The following C3 variants were observed in gnomAD, a reference collection of about 807,000 sequenced individuals.
The protein encoded by C3 is complement C3, also known as C3 and PZP-like alpha-2-macroglobulin domain-containing protein 1.
A neutral mutation model predicts 207.9 loss-of-function variants in C3; 97 were observed. That is an observed-to-expected ratio of 0.47 (90% confidence interval 0.40 to 0.55). The LOEUF (loss-of-function observed/expected upper bound fraction) is 0.55. Among genes scored for constraint, C3 ranks in the 20% least tolerant of loss-of-function variants. C3 has a pLI of 0.00. For synonymous variants in C3, 848 were observed against 857.6 expected (o/e 0.99, Z 0.20); for missense variants, 1,684 against 2,171.7 (o/e 0.78, Z 4.46).
intron 19 of C3, among the ~76,000 whole-genome samples, chr19:6,701,346 C>T (rs1324510855): frequency 6.6e-6 from 1 of 152,082 alleles, no homozygotes; most frequent in Non-Finnish European, 1.5e-5. Flanking sequence ...TACCTACAGC[C>T]ACAGAGCCTG....
intron 14 of C3, 73 bp downstream of exon 14, chr19:6,709,611 T>TTGCCCC: frequency 4.3e-5 from 48 of 1,109,406 alleles, no homozygotes; most frequent in Non-Finnish European, 6.0e-5. Flanking sequence ...CCCTCTCCAG[T>TTGCCCC]CCCACCCACC....
chr19:6,706,982 A>ACCCCC, intron 17 of C3, 94 bp downstream of exon 17: 1 of 88,162 alleles, frequency 1.1e-5, no homozygotes, highest in South Asian at 6.6e-5. Context: ...CTCCAGCCCC[A>ACCCCC]CCCCCACCAG....
rs952163846 is a variant in C3, at chr19:6,687,032, A to G, written c.3490-130T>C. The G allele has an allele frequency of 1.7e-4, 161 of 950,820 alleles. 2 individuals carry two copies. The South Asian group carries it at 2.2e-3, about 13-fold the overall frequency. 58.9% of individuals were successfully genotyped at this position (950,820 alleles called of 1,614,324 possible). On this transcript the variant is annotated intron_variant, in intron 27 of 40. Coordinates refer to ENST00000245907, the MANE Select transcript of C3 (RefSeq NM_000064.4). ...GGACACACCTGTCTTAGATTTGTCC[A>G]TTTTTGAGAATTTCCCAGATATTTT...
At chr19:6,720,429 C>T (rs895040203) in intron 1 of C3, 87 bp downstream of exon 1, 12 of 958,406 alleles carry the variant, frequency 1.3e-5, no homozygotes, top group Admixed American at 6.0e-5. Context: ...CCAAATGCAC[C>T]CTGAATTCTA....
At position 6,697,344 on chromosome 19, in the gene C3, C is replaced by T; in HGVS notation, c.2796G>A (p.Val932=). 1 of 1,613,442 alleles carries T rather than the reference C, an allele frequency of 6.2e-7. No individual in the cohort carries two copies. Among genetic ancestry groups the T allele is most frequent in the Non-Finnish European group, 8.5e-7 (1 of 1,179,446 alleles). The part of the protein sequence containing the change: ...SDGVRKSLKV[V]PEGIRMNKTV... ...GTTTGTGGGTGCCCCAAGCACTCACCACGACCTTCAGGGACTTCCTGACAC... is the reference window on the plus strand; with the variant it reads ...GTTTGTGGGTGCCCCAAGCACTCACTACGACCTTCAGGGACTTCCTGACAC... The change falls in exon 21 of 41, where the codon GTG becomes GTA. Residue 932 remains valine (V), a splice_region_variant and synonymous_variant. Coordinates refer to ENST00000245907, the MANE Select transcript of C3 (RefSeq NM_000064.4).
Position 6,713,514 on chromosome 19 carries a change from G to C in C3, c.774-5C>G, listed in dbSNP as rs755985654. 4.4e-6 allele frequency: 7 copies of C among 1,607,918 alleles called. No individual in the cohort carries two copies. Among genetic ancestry groups the C allele is most frequent in the Middle Eastern group, 1.6e-4 (1 of 6,080 alleles). On this transcript the variant is annotated splice_polypyrimidine_tract_variant and splice_region_variant and intron_variant, in intron 7 of 40. Transcript: ENST00000245907. The stretch of plus-strand genomic sequence containing the variant: ...ACTTTCTTCCCGTAGAGGAACCTAC[G>C]GGACAGACAAGGAGGGCTTCAGGTC...
intron 27 of C3, among the ~76,000 whole-genome samples, chr19:6,688,017 C>T (rs938730906): frequency 4.6e-5 from 7 of 151,166 alleles, no homozygotes; most frequent in African/African-American, 1.7e-4. Context: ...CCACCGCGCC[C>T]GGCTAATTTT....
chr19:6,707,415 G>A (rs1340408426), intron 16 of C3, 51 bp downstream of exon 16: 5 of 1,606,338 alleles, frequency 3.1e-6, no homozygotes, highest in Non-Finnish European at 4.3e-6. Context: ...GCCGGGCTGG[G>A]GTCTCCTGGG....
At chr19:6,700,803 ATATAT>A (rs1157325845) in intron 19 of C3, among the ~76,000 whole-genome samples, 2 of 87,078 alleles carry the variant, frequency 2.3e-5, no homozygotes, top group East Asian at 9.1e-4. Flanking sequence ...ATATATAATT[ATATAT>A]TATAATTATA....
chr19:6,678,198 A>G lies in C3; in HGVS notation c.4804T>C (p.Tyr1602His). ...TCGGAGGAGAGACCCCACATGAGGT[A>G]GTGTTTCTTCTCCTCCAGCTTCAGG... ...EALKLEEKKH[Y>H]LMWGLSSDFW... Residue 1602 changes from tyrosine to histidine, a missense_variant, in exon 40 of 41, where the codon TAC (tyrosine) becomes CAC (histidine). By Grantham distance (83) the Tyr-to-His change is moderately conservative. Transcript: ENST00000245907. The G allele has an allele frequency of 6.2e-7, 1 of 1,614,186 alleles. No individual in the cohort carries two copies. Among genetic ancestry groups the G allele is most frequent in the Non-Finnish European group, 8.5e-7 (1 of 1,180,026 alleles).
Position 6,677,780 on chromosome 19 carries a change from G to C in C3, c.*102C>G. ...TCAAGTAGGATGGAGCTGAGCTGCA[G>C]GTGAGGCGGCTGGGGATTTCAGCCT... On this transcript the variant is annotated 3_prime_UTR_variant, in exon 41 of 41. Transcript: ENST00000245907. 7.0e-7 allele frequency: 1 copy of C among 1,433,568 alleles called. No homozygotes were observed. The highest frequency in any genetic ancestry group is 1.8e-5 in the Admixed American group (1 of 56,558). 88.8% of individuals were successfully genotyped at this position (1,433,568 alleles called of 1,614,324 possible). A position where few individuals can be genotyped will look rare whatever the true frequency, so the allele number is the denominator to read the frequency against.
intron 14 of C3, 135 bp downstream of exon 14, chr19:6,709,549 G>A (rs1242529579): frequency 2.0e-6 from 2 of 995,094 alleles, no homozygotes; most frequent in South Asian, 1.3e-5. Context: ...AACCATCCCT[G>A]TGTCTGGTCT....
intron 17 of C3, among the ~76,000 whole-genome samples, chr19:6,706,001 C>T (rs1165833056): frequency 1.3e-5 from 2 of 152,194 alleles, no homozygotes; most frequent in Non-Finnish European, 2.9e-5. Context: ...AGATAAATTT[C>T]TCTTTGTTTC....
Position 6,719,124 on chromosome 19 carries a change from G to T in C3, c.267+87C>A. 8.4e-7 allele frequency: 1 copy of T among 1,190,726 alleles called. No homozygotes were observed. The highest frequency in any genetic ancestry group is 1.2e-5 in the South Asian group (1 of 82,314). 73.8% of individuals were successfully genotyped at this position (1,190,726 alleles called of 1,614,324 possible). The stretch of plus-strand genomic sequence containing the variant: ...GGGAAGGGCAGGGCTTAGAAAGGGA[G>T]AAGACAGAAGGGGAGGGGCTCAGGA... On this transcript the variant is annotated intron_variant, in intron 2 of 40. Transcript: ENST00000245907. This position sits in a 1 kb window ranked among gnomAD's most constrained non-coding sequence, Gnocchi z 5.4.
intron 14 of C3, among the ~76,000 whole-genome samples, chr19:6,709,428 CAGAG>C (rs995371321): frequency 2.0e-5 from 3 of 151,276 alleles, no homozygotes; most frequent in African/African-American, 4.9e-5. Flanking sequence ...AGCCTGGTGA[CAGAG>C]AGAGACTCTG....
At chr19:6,714,861 C>T (rs191383686) in intron 4 of C3, among the ~76,000 whole-genome samples, 312 of 151,930 alleles carry the variant, frequency 2.1e-3, no homozygotes, top group Non-Finnish European at 2.6e-3. Flanking sequence ...GAGTCTGTCT[C>T]GAAAAAAAGA....
rs200461253 is a variant in C3 at position 6,696,699 on chromosome 19, A to G, written c.2797-40T>C. ...AGGTGGGGGGAGTCGTTGGATGAAT[A>G]AAAGAACAGACAGACACACAGATGG... On this transcript the variant is annotated intron_variant, in intron 21 of 40. Coordinates refer to ENST00000245907, the MANE Select transcript of C3 (RefSeq NM_000064.4). 34 of 1,567,668 alleles carry G rather than the reference A, an allele frequency of 2.2e-5. No homozygotes were observed. The Admixed American group carries it at 3.5e-4, about 16-fold the overall frequency.
At position 6,709,836 on chromosome 19, in the gene C3, C is replaced by G. The variant is rs774899457; in HGVS notation, c.1693G>C (p.Val565Leu). 12 of 1,613,784 alleles carry G rather than the reference C, an allele frequency of 7.4e-6. No individual in the cohort carries two copies. The South Asian group carries it at 1.2e-4, about 16-fold the overall frequency. The change falls in exon 14 of 41, where the codon GTA (valine) becomes CTA (leucine). Residue 565 changes from valine to leucine, a missense_variant. By Grantham distance (32) the Val-to-Leu change is conservative. Coordinates refer to ENST00000245907, the MANE Select transcript of C3 (RefSeq NM_000064.4). ...CGGTCTTCTGACTGGCCGCTTTTTA[C>G]CACCAGCTGTGGGGAGGGTGGAGAC... ...VKDSCVGSLV[V>L]KSGQSEDRQP...
chr19:6,718,403 T>C lies in C3; in HGVS notation c.277A>G (p.Asn93Asp). Residue 93 changes from asparagine to aspartate, a missense_variant, in exon 3 of 41, where the codon AAC becomes GAC. Physicochemically the swap from Asn to Asp is conservative, Grantham distance 23 (BLOSUM62 1). Transcript: ENST00000245907. Reference protein sequence around the residue: ...MGNVTFTIPANREFKSEKGRN... With the variant: ...MGNVTFTIPADREFKSEKGRN... ...CCCTTTTCTGACTTGAACTCCCTGT[T>C]GGCTGGGATCTAGGCGTGGGCAGGG... The C allele has an allele frequency of 6.2e-7, 1 of 1,614,196 alleles. No homozygotes were observed. The highest frequency in any genetic ancestry group is 8.5e-7 in the Non-Finnish European group (1 of 1,180,032).
Sources: gnomAD v4.1 joint callset for allele counts (sites outside exome capture counted in the v4.1 genomes callset) on GRCh38, gnomAD v4.1.1 for gene constraint, Gnocchi (gnomAD v3.1) non-coding constraint, MANE v1.5 for transcripts, NCBI Gene and HGNC (gene_info 2026-07-23, HGNC 2026-07-21) for gene names.